ECT2: variants seen among roughly 807,000 people sequenced by gnomAD.
ECT2 encodes protein ECT2.
ECT2 carries 61 observed loss-of-function variants against 116.9 expected under a neutral mutation model. The ratio of observed to expected loss-of-function variants is 0.52; its 90% confidence interval spans 0.42 to 0.65. The LOEUF is 0.65. Among genes scored for constraint, ECT2 ranks in the 30% least tolerant of loss-of-function variants. The pLI is 0.00. For missense variants in ECT2, 937 were observed against 1,078.7 expected, an observed-to-expected ratio of 0.87 and a Z score of 1.84; for synonymous variants, 358 against 346.4, an observed-to-expected ratio of 1.03 and a Z score of -0.37.
intron 3 of ECT2, 51 bp downstream of exon 3, chr3:172,755,425 C>T (rs1054051489): frequency 6.5e-7 from 1 of 1,545,140 alleles, no homozygotes; most frequent in Non-Finnish European, 8.8e-7. Flanking sequence ...TTTCTTCCAT[C>T]AGTGTGTAAA....
chr3:172,765,502 G>T (rs956006570), intron 12 of ECT2, among the ~76,000 whole-genome samples: 1 of 151,978 alleles, frequency 6.6e-6, no homozygotes, highest in African/African-American at 2.4e-5. Flanking sequence ...TTAAACCTAA[G>T]ATAACCAAAT....
At chr3:172,758,887 A>G in intron 5 of ECT2, 93 bp from the exon 6 acceptor site, 1 of 1,095,378 alleles carries the variant, frequency 9.1e-7, no homozygotes, top group Non-Finnish European at 1.3e-6. Context: ...GTTGAATGGC[A>G]AGAGGGGAAA....
chr3:172,794,169 T>C (rs1178533308), intron 18 of ECT2, among the ~76,000 whole-genome samples: 2 of 152,220 alleles, frequency 1.3e-5, no homozygotes, highest in Non-Finnish European at 2.9e-5. Flanking sequence ...AATATTTGTC[T>C]AACCCAAGGT....
At chr3:172,828,638 C>G in the ECT2 span, 2 of 176,014 alleles carry the variant, frequency 1.1e-5, no homozygotes, top group East Asian at 1.3e-4. Flanking sequence ...TTTTTAGAAA[C>G]GTTGTGTTTA....
intron 10 of ECT2, 24 bp downstream of exon 10, chr3:172,762,830 G>T: frequency 6.2e-7 from 1 of 1,608,776 alleles, no homozygotes; most frequent in Admixed American, 1.7e-5. Context: ...GAATGAGGTT[G>T]GTTTTTAAAA....
chr3:172,783,770 AAT>A (rs780504552), intron 15 of ECT2, 27 bp from the exon 16 acceptor site: 1 of 1,407,362 alleles, frequency 7.1e-7, no homozygotes, highest in Non-Finnish European at 1.0e-6. Context: ...ATGCATAATA[AAT>A]AATGTTTTTT....
At chr3:172,756,476 T>C (rs1170850010) in intron 4 of ECT2, among the ~76,000 whole-genome samples, 1 of 152,202 alleles carries the variant, frequency 6.6e-6, no homozygotes, top group Non-Finnish European at 1.5e-5. Flanking sequence ...ACATATCTGC[T>C]AAAATGATTA....
intron 13 of ECT2, among the ~76,000 whole-genome samples, chr3:172,773,244 T>G (rs967615918): frequency 6.6e-6 from 1 of 152,138 alleles, no homozygotes; most frequent in African/African-American, 2.4e-5. Flanking sequence ...TGAACATATA[T>G]TTATACTTAA....
At chr3:172,756,523 G>T (rs1408588123) in intron 4 of ECT2, among the ~76,000 whole-genome samples, 1 of 152,002 alleles carries the variant, frequency 6.6e-6, no homozygotes, top group Non-Finnish European at 1.5e-5. Context: ...AAGTGCTATA[G>T]TATTATTTTC....
chr3:172,785,908 G>A (rs747062783), intron 17 of ECT2, among the ~76,000 whole-genome samples: 2 of 152,134 alleles, frequency 1.3e-5, no homozygotes, highest in African/African-American at 2.4e-5. Flanking sequence ...ATTCGTAAAT[G>A]TTACAAATAA....
chr3:172,816,776 G>A lies in ECT2; in HGVS notation c.2594G>A (p.Arg865Lys). 2 of 1,611,182 alleles carry A rather than the reference G, an allele frequency of 1.2e-6. No homozygotes were observed. Among genetic ancestry groups the A allele is most frequent in the South Asian group, 2.2e-5 (2 of 90,694 alleles). The change falls in exon 24 of 25, where the codon AGA becomes AAA. Residue 865 changes from arginine (R) to lysine (K), a missense_variant. By Grantham distance (26) the Arg-to-Lys change is conservative. Coordinates refer to ENST00000392692, the MANE Select transcript of ECT2 (RefSeq NM_001258315.2). Reference protein sequence around the residue: ...LMTSHGSVEGRSPSSNDKHVM... With the variant: ...LMTSHGSVEGKSPSSNDKHVM... ...ACATCCCACGGCTCAGTGGAGGGAA[G>A]AAGTCCTTCCAGCAATGATAAGCAT...
At chr3:172,783,325 T>C (rs1042311904) in intron 15 of ECT2, among the ~76,000 whole-genome samples, 2 of 152,158 alleles carry the variant, frequency 1.3e-5, no homozygotes, top group African/African-American at 4.8e-5. Context: ...AATTTACAAA[T>C]TATTTTCTCA....
At chr3:172,772,278 C>T (rs1039161418) in intron 13 of ECT2, among the ~76,000 whole-genome samples, 4 of 151,394 alleles carry the variant, frequency 2.6e-5, no homozygotes, top group Admixed American at 2.0e-4. Flanking sequence ...GAGTGCAGAG[C>T]GCCTCCCAAG....
chr3:172,802,746 GT>G, intron 19 of ECT2, 52 bp downstream of exon 19: 1 of 1,514,384 alleles, frequency 6.6e-7, no homozygotes, highest in South Asian at 1.2e-5. Flanking sequence ...TGTTAATGAG[GT>G]TTCTGTGGTT....
At chr3:172,801,615 G>A (rs1453799110) in intron 18 of ECT2, among the ~76,000 whole-genome samples, 2 of 152,128 alleles carry the variant, frequency 1.3e-5, no homozygotes, top group South Asian at 2.1e-4. Context: ...TTTGCCCTGC[G>A]GACTAGGCAT....
At chr3:172,786,377 A>G (rs1723610250) in intron 17 of ECT2, 116 bp from the exon 18 acceptor site, 1 of 644,912 alleles carries the variant, frequency 1.6e-6, no homozygotes, top group East Asian at 2.8e-5. Context: ...CTTTTTAAAA[A>G]ATAAGGATTG....
intron 21 of ECT2, among the ~76,000 whole-genome samples, chr3:172,806,597 CT>C (rs369478058): frequency 0.1 from 8,085 of 78,354 alleles, 297 homozygotes; most frequent in African/African-American, 0.17. Flanking sequence ...AGAAATTATT[CT>C]TTTTTTTTTT....
chr3:172,826,850 T>A, the ECT2 span, among the ~76,000 whole-genome samples: 1 of 151,950 alleles, frequency 6.6e-6, no homozygotes, highest in African/African-American at 2.4e-5. Flanking sequence ...ATCAACAAAG[T>A]GAAGAGACAG....
intron 14 of ECT2, among the ~76,000 whole-genome samples, chr3:172,774,802 C>T (rs1297870396): frequency 3.3e-5 from 5 of 152,172 alleles, no homozygotes; most frequent in Non-Finnish European, 7.3e-5. Context: ...TTGCACCTAA[C>T]CTTTGTTTGC....
Sources: allele counts gnomAD v4.1 joint callset (sites outside exome capture counted in the v4.1 genomes callset), GRCh38; gene constraint gnomAD v4.1.1; transcripts MANE v1.5; gene names NCBI Gene and HGNC (gene_info 2026-07-23, HGNC 2026-07-21).